Variants in TIAM1 observed in about 807,000 individuals in gnomAD.
TIAM1 encodes the protein rho guanine nucleotide exchange factor TIAM1.
TIAM1 carries 65 observed loss-of-function variants against 163.5 expected under a neutral mutation model. The observed-to-expected ratio is 0.40, with a 90% CI of 0.33 to 0.49. The LOEUF (loss-of-function observed/expected upper bound fraction) is 0.49, where lower values mean the gene tolerates loss of function less well. TIAM1 is among the 20% of genes least tolerant of loss of function. The pLI is 0.77. For missense variants in TIAM1, 1,789 were observed against 2,044.7 expected, an observed-to-expected ratio of 0.87 and a Z score of 2.41; for synonymous variants, 833 against 810.1, an observed-to-expected ratio of 1.03 and a Z score of -0.48.
intron 15 of TIAM1, among the ~76,000 whole-genome samples, chr21:31,179,778 T>C (rs2084928759): frequency 6.6e-6 from 1 of 152,138 alleles, no homozygotes; most frequent in South Asian, 2.1e-4. Flanking sequence ...TAGATATATA[T>C]AAAATGCATT....
At chr21:31,214,130 G>C (rs1223885140) in intron 9 of TIAM1, among the ~76,000 whole-genome samples, 1 of 152,068 alleles carries the variant, frequency 6.6e-6, no homozygotes, top group Non-Finnish European at 1.5e-5. Flanking sequence ...TTTGAGACCA[G>C]TTTGCTCAAC....
At position 31,141,839 on chromosome 21, in the gene TIAM1, C is replaced by G. The variant is rs926054297; in HGVS notation, c.3476-335G>C. 6.6e-6 allele frequency among the ~76,000 whole-genome samples: 1 copy of G among 152,110 alleles called. No individual in the cohort carries two copies. The highest frequency in any genetic ancestry group is 2.4e-5 in the African/African-American group (1 of 41,412). ...ATCCTGATGTTTTGACACCTGGGGC[C>G]TTACTGTCCATGGGGAGACTGCCCC... On this transcript the variant is annotated intron_variant, in intron 20 of 27. Transcript: ENST00000541036. This position sits in a 1 kb window ranked among gnomAD's most constrained non-coding sequence, Gnocchi z 4.7.
At chr21:31,469,673 T>A (rs2045667173) in intron 1 of TIAM1, among the ~76,000 whole-genome samples, 1 of 150,856 alleles carries the variant, frequency 6.6e-6, no homozygotes, top group Non-Finnish European at 1.5e-5. Context: ...CTAAAAAAAG[T>A]ACAAAAAAAT....
chr21:31,333,564 C>T (rs1260281737), intron 2 of TIAM1, among the ~76,000 whole-genome samples: 4 of 152,054 alleles, frequency 2.6e-5, no homozygotes, highest in African/African-American at 9.7e-5. Context: ...CAGCTTCCTG[C>T]GTAGCTGGGA....
At chr21:31,405,527 A>G (rs1165704438) in intron 2 of TIAM1, among the ~76,000 whole-genome samples, 3 of 152,212 alleles carry the variant, frequency 2.0e-5, no homozygotes, top group Non-Finnish European at 4.4e-5. Context: ...GGCAATGTAC[A>G]AAAGAAAGGT....
At chr21:31,252,505 T>C (rs994592689) in intron 4 of TIAM1, among the ~76,000 whole-genome samples, 2 of 152,198 alleles carry the variant, frequency 1.3e-5, no homozygotes, top group Non-Finnish European at 2.9e-5. Flanking sequence ...ATTGGCAAAT[T>C]CGCGATTGAG....
chr21:31,181,780 T>C lies in TIAM1; in HGVS notation c.2887+641A>G, dbSNP rs1444554920. On this transcript the variant is annotated intron_variant, in intron 15 of 27. Transcript: ENST00000541036. Reference sequence around the variant, plus strand: ...TCTTTTTTTTTTTTTTTTTTTTTTTTTTTTTTTTTTTTTTTTTTTTTTTTT... The same window carrying C: ...TCTTTTTTTTTTTTTTTTTTTTTTTCTTTTTTTTTTTTTTTTTTTTTTTTT... 4.4e-4 allele frequency among the ~76,000 whole-genome samples: 36 copies of C among 81,288 alleles called. 1 individual carries two copies. The highest frequency in any genetic ancestry group is 1.1e-3 in the South Asian group (2 of 1,904). The allele number at this position is 81,288 out of a possible 152,430, so 53.3% of individuals were successfully genotyped here.
rs8129289 is a variant in TIAM1, at chr21:31,226,520, C to T, written c.1585-570G>A. On this transcript the variant is annotated intron_variant, in intron 6 of 27. Transcript: ENST00000541036. ...GGAACCCTCTAAGAATTGCAGCCGCCCAACAACACTCCATGTGCTAAAAGT... is the reference window on the plus strand; with the variant it reads ...GGAACCCTCTAAGAATTGCAGCCGCTCAACAACACTCCATGTGCTAAAAGT... Among the ~76,000 whole-genome samples the T allele has an allele frequency of 5.1e-3, 777 of 152,170 alleles. 4 individuals carry two copies. The highest frequency in any genetic ancestry group is 0.018 in the African/African-American group (738 of 41,496).
chr21:31,494,930 AG>A (rs1449646410), intron 1 of TIAM1, among the ~76,000 whole-genome samples: 1 of 152,242 alleles, frequency 6.6e-6, no homozygotes, highest in Non-Finnish European at 1.5e-5. Context: ...ATAGAATTAG[AG>A]GTTCTCTGAG....
intron 2 of TIAM1, among the ~76,000 whole-genome samples, chr21:31,383,628 C>G (rs2076817055): frequency 6.6e-6 from 1 of 152,200 alleles, no homozygotes; most frequent in Non-Finnish European, 1.5e-5. Context: ...CAATTCCTGA[C>G]ATGCCTTGGG....
At chr21:31,185,604 C>A (rs2085263674) in intron 14 of TIAM1, among the ~76,000 whole-genome samples, 2 of 139,648 alleles carry the variant, frequency 1.4e-5, no homozygotes, top group Admixed American at 7.5e-5. Context: ...TATCATATAG[C>A]TATATATTAT....
intron 2 of TIAM1, among the ~76,000 whole-genome samples, chr21:31,414,186 T>C (rs2043298579): frequency 6.6e-6 from 1 of 152,172 alleles, no homozygotes; most frequent in South Asian, 2.1e-4. Context: ...TGGCCAGAAC[T>C]CATTTTCTTT....
intron 1 of TIAM1, among the ~76,000 whole-genome samples, chr21:31,517,679 T>C (rs977079182): frequency 5.9e-5 from 9 of 152,156 alleles, no homozygotes; most frequent in Non-Finnish European, 1.0e-4. Flanking sequence ...AGTTTTGAAT[T>C]AAAGACACTT....
chr21:31,261,493 C>G (rs752853666), intron 4 of TIAM1, among the ~76,000 whole-genome samples: 5 of 152,066 alleles, frequency 3.3e-5, no homozygotes, highest in Non-Finnish European at 7.4e-5. Flanking sequence ...GGGAAGATCA[C>G]CGGAGATCAG....
At chr21:31,255,256 A>G (rs904578369) in intron 4 of TIAM1, among the ~76,000 whole-genome samples, 10 of 152,144 alleles carry the variant, frequency 6.6e-5, no homozygotes, top group Non-Finnish European at 1.5e-4. Flanking sequence ...TGTCTCCTTA[A>G]GTGGTTATTC....
chr21:31,163,877 AAG>A (rs60371057), intron 16 of TIAM1, among the ~76,000 whole-genome samples: 1 of 152,250 alleles, frequency 6.6e-6, no homozygotes, highest in Non-Finnish European at 1.5e-5. Flanking sequence ...AAGCAAAAAA[AAG>A]AGAGATCGTA....
intron 1 of TIAM1, among the ~76,000 whole-genome samples, chr21:31,547,022 C>T (rs1196028378): frequency 6.6e-6 from 1 of 152,150 alleles, no homozygotes; most frequent in Admixed American, 6.5e-5. Flanking sequence ...TTACTAGTTG[C>T]TAGTTGCTAG....
intron 6 of TIAM1, among the ~76,000 whole-genome samples, chr21:31,241,275 G>A (rs151155176): frequency 5.3e-5 from 8 of 152,282 alleles, no homozygotes; most frequent in African/African-American, 1.9e-4. Flanking sequence ...CACAAGCCCA[G>A]ATAGTCCCAA....
chr21:31,445,070 T>C (rs2044570953), intron 2 of TIAM1, among the ~76,000 whole-genome samples: 1 of 152,144 alleles, frequency 6.6e-6, no homozygotes, highest in South Asian at 2.1e-4. Flanking sequence ...ACTACTGCTT[T>C]TGATACAGGC....
Sources: allele counts gnomAD v4.1 joint callset (sites outside exome capture counted in the v4.1 genomes callset), GRCh38; gene constraint gnomAD v4.1.1; non-coding constraint Gnocchi (gnomAD v3.1); transcripts MANE v1.5; gene names NCBI Gene and HGNC (gene_info 2026-07-23, HGNC 2026-07-21).